RABEP1: variants seen among roughly 807,000 people sequenced by gnomAD.
RABEP1 encodes rab GTPase-binding effector protein 1.
RABEP1 carries 51 observed loss-of-function variants against 123.4 expected under a neutral mutation model. The ratio of observed to expected loss-of-function variants is 0.41; its 90% CI spans 0.33 to 0.52. The LOEUF is 0.52. Among genes scored for constraint, RABEP1 ranks in the 20% least tolerant of loss-of-function variants. The probability of loss-of-function intolerance (pLI) is 0.16; values close to 1 mark genes in which losing one functional copy is unlikely to be tolerated. For synonymous variants in RABEP1, 347 were observed against 355.2 expected (o/e 0.98, Z 0.26); for missense variants, 888 against 996.3 (o/e 0.89, Z 1.46).
chr17:5,382,830 G>A (rs1911592271), intron 17 of RABEP1, among the ~76,000 whole-genome samples: 1 of 152,008 alleles, frequency 6.6e-6, no homozygotes, highest in Non-Finnish European at 1.5e-5. Flanking sequence ...TGAGACAGGA[G>A]AATCACTTGA....
At chr17:5,347,074 C>G (rs1447179256) in intron 6 of RABEP1, 149 bp downstream of exon 6, 3 of 663,658 alleles carry the variant, frequency 4.5e-6, no homozygotes, top group African/African-American at 1.9e-5. Flanking sequence ...TGTACTCATG[C>G]AAAGCTGAAA....
At chr17:5,367,329 TG>T (rs1363942826) in intron 11 of RABEP1, among the ~76,000 whole-genome samples, 12 of 151,602 alleles carry the variant, frequency 7.9e-5, no homozygotes, top group African/African-American at 2.9e-4. Context: ...TAGAGTGCAG[TG>T]GCACGATCTT....
intron 1 of RABEP1, among the ~76,000 whole-genome samples, chr17:5,290,983 T>C (rs2075027754): frequency 6.6e-6 from 1 of 152,246 alleles, no homozygotes; most frequent in African/African-American, 2.4e-5. Flanking sequence ...GTAACTTGCC[T>C]AGAATCCAGG....
intron 2 of RABEP1, among the ~76,000 whole-genome samples, chr17:5,309,084 TC>T (rs1419929488): frequency 6.6e-6 from 1 of 152,202 alleles, no homozygotes; most frequent in African/African-American, 2.4e-5. Context: ...ATGTTATTGC[TC>T]TTAACATTTG....
At chr17:5,341,327 A>G (rs138156165) in intron 5 of RABEP1, among the ~76,000 whole-genome samples, 3 of 152,362 alleles carry the variant, frequency 2.0e-5, no homozygotes, top group Admixed American at 6.5e-5. Context: ...AACAAATACT[A>G]TAAACTGTCA....
At chr17:5,377,021 AAAC>A (rs1272319242) in intron 13 of RABEP1, 92 bp from the exon 14 acceptor site, 2 of 1,330,916 alleles carry the variant, frequency 1.5e-6, no homozygotes, top group Non-Finnish European at 2.1e-6. Context: ...TGAACCATTA[AAAC>A]AACATCTGAG....
chr17:5,354,227 CAAAG>C (rs1010602042), intron 7 of RABEP1, 128 bp from the exon 8 acceptor site: 2 of 767,354 alleles, frequency 2.6e-6, no homozygotes, highest in Non-Finnish European at 3.9e-6. Flanking sequence ...GATTACAAAA[CAAAG>C]AAGCGTAAGT....
chr17:5,313,574 A>G (rs1002135774), intron 2 of RABEP1, among the ~76,000 whole-genome samples: 4 of 152,236 alleles, frequency 2.6e-5, no homozygotes, highest in Non-Finnish European at 4.4e-5. Context: ...GAAATGCATT[A>G]TCAACTGCAG....
At chr17:5,334,082 T>A (rs982401321) in intron 3 of RABEP1, among the ~76,000 whole-genome samples, 1 of 151,394 alleles carries the variant, frequency 6.6e-6, no homozygotes, top group South Asian at 2.1e-4. Context: ...TACTTAGGCT[T>A]GAGTGCAGTG....
At chr17:5,307,397 T>A (rs1361050765) in intron 1 of RABEP1, among the ~76,000 whole-genome samples, 1 of 152,246 alleles carries the variant, frequency 6.6e-6, no homozygotes, top group East Asian at 1.9e-4. Context: ...CCAGTCTTTT[T>A]TTCTATACAT....
intron 11 of RABEP1, among the ~76,000 whole-genome samples, chr17:5,367,409 C>G (rs138714272): frequency 6.6e-6 from 1 of 150,576 alleles, no homozygotes; most frequent in Non-Finnish European, 1.5e-5. Flanking sequence ...GTAGCTGGGA[C>G]TACAGGCACC....
At chr17:5,339,232 T>C (rs1597369099) in intron 5 of RABEP1, among the ~76,000 whole-genome samples, 1 of 152,188 alleles carries the variant, frequency 6.6e-6, no homozygotes, top group African/African-American at 2.4e-5. Context: ...AATTTATCAA[T>C]AGTCTTGGTA....
At chr17:5,314,449 T>C (rs947610744) in intron 2 of RABEP1, among the ~76,000 whole-genome samples, 3 of 150,384 alleles carry the variant, frequency 2.0e-5, no homozygotes, top group South Asian at 2.1e-4. Flanking sequence ...CACCACGTTT[T>C]CCAGGCTGGT....
intron 5 of RABEP1, among the ~76,000 whole-genome samples, chr17:5,345,618 TTA>T: frequency 6.6e-6 from 1 of 152,198 alleles, no homozygotes; most frequent in East Asian, 1.9e-4. Context: ...TCCTCAGGTG[TTA>T]GAGAAAGTAT....
intron 2 of RABEP1, among the ~76,000 whole-genome samples, chr17:5,313,802 G>C (rs1406477747): frequency 3.3e-5 from 5 of 152,132 alleles, no homozygotes; most frequent in African/African-American, 9.7e-5. Flanking sequence ...GATCCTTTTT[G>C]AGTTTTTGGT....
At chr17:5,322,920 C>G (rs182348878) in intron 2 of RABEP1, among the ~76,000 whole-genome samples, 6 of 152,044 alleles carry the variant, frequency 3.9e-5, no homozygotes, top group African/African-American at 1.4e-4. Context: ...ACAAAAAATT[C>G]AAAAAATTAG....
At chr17:5,348,804 G>C (rs570561671) in intron 6 of RABEP1, among the ~76,000 whole-genome samples, 1 of 151,966 alleles carries the variant, frequency 6.6e-6, no homozygotes, top group South Asian at 2.1e-4. Context: ...CTCGTGATCC[G>C]CCCACCTCGG....
At position 5,383,994 on chromosome 17, in the gene RABEP1, C is replaced by T. The variant is rs1402935569; in HGVS notation, c.*771C>T. The T allele has an allele frequency of 9.1e-6, 2 of 219,748 alleles. No homozygotes were observed. Among genetic ancestry groups the T allele is most frequent in the Non-Finnish European group, 1.8e-5 (2 of 109,512 alleles). The allele number at this position is 219,748 out of a possible 1,614,324, so 13.6% of individuals were successfully genotyped here. On this transcript the variant is annotated 3_prime_UTR_variant, in exon 18 of 18. Transcript: ENST00000537505. Reference sequence around the variant, plus strand: ...GGGCCCACAGGGTACCAGGATAAAGCCGAACTGGTACCATCTACTCTTTTG... The same window carrying T: ...GGGCCCACAGGGTACCAGGATAAAGTCGAACTGGTACCATCTACTCTTTTG...
chr17:5,345,009 C>T (rs1348776467), intron 5 of RABEP1, among the ~76,000 whole-genome samples: 3 of 151,870 alleles, frequency 2.0e-5, no homozygotes, highest in Non-Finnish European at 4.4e-5. Context: ...TATGAGCTGT[C>T]GGTTAACAAA....
Sources: gnomAD v4.1 joint callset for allele counts (sites outside exome capture counted in the v4.1 genomes callset) on GRCh38, gnomAD v4.1.1 for gene constraint, MANE v1.5 for transcripts, NCBI Gene and HGNC (gene_info 2026-07-23, HGNC 2026-07-21) for gene names.